The following MDGA2 variants were observed in gnomAD, a reference collection of about 807,000 sequenced individuals.
MDGA2 encodes MAM domain-containing glycosylphosphatidylinositol anchor protein 2.
Under a neutral mutation model 117.8 loss-of-function variants are expected in MDGA2, and 40 were observed. The observed-to-expected ratio is 0.34, with a 90% CI of 0.26 to 0.44. The LOEUF is 0.44. Ranked by LOEUF, MDGA2 falls within the 20% of genes least tolerant of loss-of-function variation. The pLI is 1.00. For missense variants in MDGA2, 1,123 were observed against 1,250.6 expected, an observed-to-expected ratio of 0.90 and a Z score of 1.54; for synonymous variants, 452 against 439.0, an observed-to-expected ratio of 1.03 and a Z score of -0.37.
intron 3 of MDGA2, among the ~76,000 whole-genome samples, chr14:47,176,257 A>G (rs1441805088): frequency 6.6e-6 from 1 of 152,214 alleles, no homozygotes; most frequent in Non-Finnish European, 1.5e-5. Context: ...TGCCATCCCC[A>G]TCAAGCTACC....
At chr14:47,572,940 T>A (rs1358237203) in intron 1 of MDGA2, among the ~76,000 whole-genome samples, 1 of 152,178 alleles carries the variant, frequency 6.6e-6, no homozygotes, top group Non-Finnish European at 1.5e-5. Flanking sequence ...ATTTTTTGGT[T>A]ATTTTAATAT....
At chr14:47,251,931 G>GTATCATTATTAT (rs1555367010) in intron 2 of MDGA2, among the ~76,000 whole-genome samples, 425 of 150,446 alleles carry the variant, frequency 2.8e-3, no homozygotes, top group Admixed American at 5.2e-3. Context: ...GGTTTCTCTT[G>GTATCATTATTAT]TATTATTATT....
At chr14:46,973,903 AT>A (rs35314692) in intron 8 of MDGA2, among the ~76,000 whole-genome samples, 143,401 of 145,424 alleles carry the variant, frequency 0.99, 70,705 homozygotes, top group East Asian at 1. Flanking sequence ...AATTATTGTT[AT>A]TTTTTTTTTT....
At chr14:47,247,618 A>G (rs1887288356) in intron 2 of MDGA2, among the ~76,000 whole-genome samples, 1 of 136,976 alleles carries the variant, frequency 7.3e-6, no homozygotes, top group Admixed American at 7.5e-5. Flanking sequence ...TCAGATGTTT[A>G]ACATCAGTAC....
chr14:46,852,166 A>C (rs1594994358), intron 15 of MDGA2, among the ~76,000 whole-genome samples: 1 of 151,916 alleles, frequency 6.6e-6, no homozygotes, highest in South Asian at 2.1e-4. Context: ...GCATCAATTC[A>C]AACTATTTAC....
chr14:47,188,350 A>C (rs1268608940), intron 3 of MDGA2, among the ~76,000 whole-genome samples: 5 of 152,140 alleles, frequency 3.3e-5, no homozygotes, highest in Non-Finnish European at 7.4e-5. Flanking sequence ...TGCTTGCTCT[A>C]AGAGAAGGTG....
chr14:47,041,974 A>G (rs1889086714), intron 7 of MDGA2, among the ~76,000 whole-genome samples: 2 of 152,070 alleles, frequency 1.3e-5, no homozygotes, highest in South Asian at 2.1e-4. Flanking sequence ...TATAAGAATC[A>G]TAAGAAGCTC....
At chr14:47,130,561 T>C (rs1311958439) in intron 5 of MDGA2, among the ~76,000 whole-genome samples, 3 of 152,222 alleles carry the variant, frequency 2.0e-5, no homozygotes, top group Non-Finnish European at 4.4e-5. Flanking sequence ...TAGTTGACTT[T>C]TTAAAATATA....
chr14:47,218,000 T>C (rs1886161440), intron 3 of MDGA2, 21 bp downstream of exon 3: 1 of 1,495,512 alleles, frequency 6.7e-7, no homozygotes, highest in Non-Finnish European at 8.9e-7. Flanking sequence ...TTAATTATAG[T>C]TTTCTGGAAA....
At chr14:47,183,144 T>A (rs1382046337) in intron 3 of MDGA2, among the ~76,000 whole-genome samples, 2 of 152,180 alleles carry the variant, frequency 1.3e-5, no homozygotes, top group Non-Finnish European at 2.9e-5. Context: ...ATCCCTGTTT[T>A]TCCAGGGAAC....
At chr14:47,183,040 G>T (rs980680583) in intron 3 of MDGA2, among the ~76,000 whole-genome samples, 3 of 152,044 alleles carry the variant, frequency 2.0e-5, no homozygotes, top group African/African-American at 7.2e-5. Flanking sequence ...TCAAAAAACT[G>T]CTTGCTTAGA....
At chr14:47,286,822 T>TATATAC (rs1555370153) in intron 2 of MDGA2, among the ~76,000 whole-genome samples, 2 of 117,992 alleles carry the variant, frequency 1.7e-5, no homozygotes, top group Non-Finnish European at 3.8e-5. Flanking sequence ...TATATATATA[T>TATATAC]ATACATATAT....
Position 47,243,571 on chromosome 14 carries a change from G to A in MDGA2, c.421-25376C>T, listed in dbSNP as rs547324373. Reference sequence around the variant, plus strand: ...AGACCACGAGCCCACCAGGAGGAACGAGCAACTCCAGACGCGCTACCTTAA... The same window carrying A: ...AGACCACGAGCCCACCAGGAGGAACAAGCAACTCCAGACGCGCTACCTTAA... On this transcript the variant is annotated intron_variant, in intron 2 of 16. Coordinates refer to ENST00000399232, the MANE Select transcript of MDGA2 (RefSeq NM_001113498.3). 1.2e-4 allele frequency among the ~76,000 whole-genome samples: 18 copies of A among 150,722 alleles called. 1 individual carries two copies. Among genetic ancestry groups the A allele is most frequent in the Non-Finnish European group, 1.9e-4 (13 of 67,510 alleles).
intron 12 of MDGA2, among the ~76,000 whole-genome samples, chr14:46,876,690 G>A (rs1882243399): frequency 6.8e-6 from 1 of 146,994 alleles, no homozygotes; most frequent in Non-Finnish European, 1.5e-5. Flanking sequence ...TTCTCAATAT[G>A]ATGAAAAAAC....
chr14:47,541,910 C>A (rs986985489), intron 1 of MDGA2, among the ~76,000 whole-genome samples: 6 of 152,172 alleles, frequency 3.9e-5, no homozygotes, highest in African/African-American at 1.2e-4. Flanking sequence ...GCTCCTTTGT[C>A]TTCTTCGGAA....
At chr14:46,933,442 A>G (rs1163530454) in intron 9 of MDGA2, among the ~76,000 whole-genome samples, 1 of 151,944 alleles carries the variant, frequency 6.6e-6, no homozygotes, top group Non-Finnish European at 1.5e-5. Context: ...TAATACACAA[A>G]TTATTATTTT....
chr14:47,547,580 T>G (rs1895488929), intron 1 of MDGA2, among the ~76,000 whole-genome samples: 1 of 152,176 alleles, frequency 6.6e-6, no homozygotes, highest in Non-Finnish European at 1.5e-5. Flanking sequence ...TGGCTGCAGC[T>G]AAGAGAGAAA....
chr14:47,390,359 G>C (rs2138436299), intron 1 of MDGA2, among the ~76,000 whole-genome samples: 1 of 148,146 alleles, frequency 6.8e-6, no homozygotes, highest in South Asian at 2.2e-4. Flanking sequence ...AGGGAAGATA[G>C]TGTCTCTGTC....
intron 9 of MDGA2, among the ~76,000 whole-genome samples, chr14:46,942,550 T>C (rs966248522): frequency 6.6e-6 from 1 of 152,006 alleles, no homozygotes; most frequent in Non-Finnish European, 1.5e-5. Context: ...CTCCTGCCCC[T>C]TCGTAATTAG....
Sources: gnomAD v4.1 joint callset for allele counts (sites outside exome capture counted in the v4.1 genomes callset) on GRCh38, gnomAD v4.1.1 for gene constraint, MANE v1.5 for transcripts, NCBI Gene and HGNC (gene_info 2026-07-23, HGNC 2026-07-21) for gene names.